PKHD1: variants seen among roughly 807,000 people sequenced by gnomAD.
PKHD1 encodes PKHD1 ciliary IPT domain containing fibrocystin/polyductin.
In PKHD1, 291 loss-of-function variants were observed where a neutral mutation model predicts 412.0. That is an observed-to-expected ratio of 0.71 (90% CI 0.64 to 0.78). PKHD1 has a LOEUF of 0.78. PKHD1 is among the 30% of genes least tolerant of loss of function. PKHD1 has a pLI of 0.00. For missense variants in PKHD1, 4,825 were observed against 4,950.7 expected, an observed-to-expected ratio of 0.97 and a Z score of 0.76; for synonymous variants, 1,777 against 1,821.5, an observed-to-expected ratio of 0.98 and a Z score of 0.62.
intron 60 of PKHD1, chr6:51,721,047 A>G: frequency 1.0e-6 from 1 of 982,838 alleles, no homozygotes; most frequent in Non-Finnish European, 1.2e-6. Context: ...GAGGGTCAAT[A>G]AGGCTCTGGG....
At chr6:51,892,419 T>C (rs1779252643) in intron 43 of PKHD1, among the ~76,000 whole-genome samples, 1 of 152,212 alleles carries the variant, frequency 6.6e-6, no homozygotes, top group Non-Finnish European at 1.5e-5. Flanking sequence ...GGATACATTT[T>C]TTATTGTAAC....
chr6:52,048,319 T>C (rs904497935), intron 23 of PKHD1, among the ~76,000 whole-genome samples, 173 bp downstream of exon 23: 3 of 152,224 alleles, frequency 2.0e-5, no homozygotes, highest in Non-Finnish European at 2.9e-5. Flanking sequence ...GCATTAACAA[T>C]AAGTCCCTTT....
intron 27 of PKHD1, among the ~76,000 whole-genome samples, chr6:52,040,166 T>C (rs1804618526): frequency 6.6e-6 from 1 of 152,216 alleles, no homozygotes; most frequent in Non-Finnish European, 1.5e-5. Context: ...GAAAATGTTG[T>C]TGAATCAGGT....
At chr6:51,763,688 T>C (rs1227277872) in intron 55 of PKHD1, among the ~76,000 whole-genome samples, 1 of 152,026 alleles carries the variant, frequency 6.6e-6, no homozygotes, top group African/African-American at 2.4e-5. Context: ...AGAATGCACT[T>C]CATATTCAAT....
At chr6:51,897,343 T>A (rs370324570) in intron 43 of PKHD1, among the ~76,000 whole-genome samples, 57 of 151,934 alleles carry the variant, frequency 3.8e-4, no homozygotes, top group African/African-American at 1.2e-3. Flanking sequence ...GCCAGAAGAG[T>A]GTGGGGGCCA....
At chr6:51,668,766 AT>A (rs1273311362) in intron 60 of PKHD1, among the ~76,000 whole-genome samples, 2 of 152,120 alleles carry the variant, frequency 1.3e-5, no homozygotes, top group Admixed American at 1.3e-4. Flanking sequence ...GTGTTGTTGA[AT>A]TTTGTCAAAG....
At chr6:51,957,601 C>T (rs976506425) in intron 36 of PKHD1, among the ~76,000 whole-genome samples, 1 of 152,102 alleles carries the variant, frequency 6.6e-6, no homozygotes, top group East Asian at 1.9e-4. Flanking sequence ...AAGATCCAGC[C>T]GACGGGGTTC....
At chr6:51,969,173 G>A (rs1306751267) in intron 35 of PKHD1, among the ~76,000 whole-genome samples, 1 of 152,150 alleles carries the variant, frequency 6.6e-6, no homozygotes. Flanking sequence ...GAGACCATGT[G>A]GCTAGAACCC....
chr6:52,079,988 T>C lies in PKHD1; in HGVS notation c.302A>G (p.His101Arg). The C allele has an allele frequency of 6.2e-7, 1 of 1,607,468 alleles. No individual in the cohort carries two copies. Among genetic ancestry groups the C allele is most frequent in the South Asian group, 1.1e-5 (1 of 90,962 alleles). The change falls in exon 5 of 67, where the codon CAT becomes CGT. Residue 101 changes from histidine (H) to arginine (R), a missense_variant. Coordinates refer to ENST00000371117, the MANE Select transcript of PKHD1 (RefSeq NM_138694.4). ...TGCTTCCAGGAAGTACAGACCCTCA[T>C]GTGCTTCAGACAGCACAGATCTGAG... is the stretch of plus-strand genomic sequence containing the variant. ...CRTRSVLSEA[H>R]EGLYFLEAYF...
At position 51,631,827 on chromosome 6, in the gene PKHD1, C is replaced by T. The variant is rs560678359; in HGVS notation, c.11665+738G>A. Among the ~76,000 whole-genome samples the T allele has an allele frequency of 1.2e-3, 188 of 151,998 alleles. 1 individual carries two copies. Among genetic ancestry groups the T allele is most frequent in the Admixed American group, 0.012 (186 of 15,244 alleles). ...TCCACTTCTGGGAAATATTTAGGAA[C>T]CTACTTAATTCCTATGCTAAAAAAC... On this transcript the variant is annotated intron_variant, in intron 65 of 66. Coordinates refer to ENST00000371117, the MANE Select transcript of PKHD1 (RefSeq NM_138694.4).
At chr6:51,886,563 T>C (rs1340979634) in intron 44 of PKHD1, among the ~76,000 whole-genome samples, 1 of 152,110 alleles carries the variant, frequency 6.6e-6, no homozygotes, top group African/African-American at 2.4e-5. Context: ...CAATAGTACA[T>C]CATATCATTT....
intron 32 of PKHD1, 151 bp from the exon 33 acceptor site, chr6:52,023,095 A>G: frequency 6.0e-6 from 5 of 828,180 alleles, no homozygotes; most frequent in Non-Finnish European, 1.0e-5. Context: ...TGCTGGCCTC[A>G]GTTTCCTCTC....
At chr6:51,988,571 C>T (rs568253354) in intron 35 of PKHD1, among the ~76,000 whole-genome samples, 3 of 152,302 alleles carry the variant, frequency 2.0e-5, no homozygotes, top group East Asian at 3.9e-4. Flanking sequence ...GTTTTCTATG[C>T]GAGCCTTTTG....
At chr6:51,812,654 G>C (rs746014634) in intron 52 of PKHD1, among the ~76,000 whole-genome samples, 4 of 152,168 alleles carry the variant, frequency 2.6e-5, no homozygotes, top group Non-Finnish European at 4.4e-5. Flanking sequence ...ATATTTGTCT[G>C]TCATATTTTG....
chr6:52,056,333 T>C (rs62406035), intron 18 of PKHD1, among the ~76,000 whole-genome samples: 8,036 of 152,296 alleles, frequency 0.053, 297 homozygotes, highest in East Asian at 0.11. Flanking sequence ...TTAAGACTAC[T>C]TTCTTAAGTA....
At chr6:51,739,766 T>C (rs1023130413) in intron 60 of PKHD1, among the ~76,000 whole-genome samples, 1 of 152,196 alleles carries the variant, frequency 6.6e-6, no homozygotes, top group Non-Finnish European at 1.5e-5. Flanking sequence ...ATGCTAGTTT[T>C]CATTTTACCT....
intron 43 of PKHD1, among the ~76,000 whole-genome samples, chr6:51,894,384 C>T (rs1779572463): frequency 6.6e-6 from 1 of 152,196 alleles, no homozygotes. Flanking sequence ...AGTGAAACTG[C>T]CCTGGACTCA....
intron 49 of PKHD1, among the ~76,000 whole-genome samples, chr6:51,853,730 T>G (rs780486841): frequency 2.0e-5 from 3 of 152,228 alleles, no homozygotes; most frequent in Non-Finnish European, 4.4e-5. Flanking sequence ...TTGTGTGTGC[T>G]TCACAAAATT....
intron 63 of PKHD1, among the ~76,000 whole-genome samples, chr6:51,647,023 G>C (rs1278164751): frequency 1.3e-5 from 2 of 152,156 alleles, no homozygotes; most frequent in Non-Finnish European, 2.9e-5. Context: ...TCTGTTGACT[G>C]TCTGGCTCCA....
Sources: gnomAD v4.1 joint callset for allele counts (sites outside exome capture counted in the v4.1 genomes callset) on GRCh38, gnomAD v4.1.1 for gene constraint, MANE v1.5 for transcripts, NCBI Gene and HGNC (gene_info 2026-07-23, HGNC 2026-07-21) for gene names.